USP53: variants seen among roughly 807,000 people sequenced by gnomAD.
USP53 encodes ubiquitin carboxyl-terminal hydrolase 53.
In USP53, 71 loss-of-function variants were observed where a neutral mutation model predicts 94.9. The ratio of observed to expected loss-of-function variants is 0.75; its 90% CI spans 0.62 to 0.91. The LOEUF (loss-of-function observed/expected upper bound fraction) is 0.91, where lower values mean the gene tolerates loss of function less well. Among genes scored for constraint, USP53 ranks in the 40% least tolerant of loss-of-function variants. USP53 has a pLI of 0.00. For synonymous variants in USP53, 375 were observed against 422.7 expected, an observed-to-expected ratio of 0.89 and a Z score of 1.39; for missense variants, 1,173 against 1,281.0, an observed-to-expected ratio of 0.92 and a Z score of 1.29.
rs1747251183 is a variant in USP53 at position 119,239,620 on chromosome 4, G to A, written c.-140G>A. 3.0e-6 allele frequency: 3 copies of A among 990,564 alleles called. No individual in the cohort carries two copies. The South Asian group carries it at 6.2e-5, about 20-fold the overall frequency. The allele number at this position is 990,564 out of a possible 1,614,324, so 61.4% of individuals were successfully genotyped here. A position where few individuals can be genotyped will look rare whatever the true frequency, so the allele number is the denominator to read the frequency against. ...TTTAAGAGTTTATAACATCAGGAAA[G>A]ATATGGACTTGGAAACTTACATTAT... On this transcript the variant is annotated 5_prime_UTR_variant, in exon 5 of 19. Coordinates refer to ENST00000692078, the MANE Select transcript of USP53 (RefSeq NM_001371395.1).
At chr4:119,278,357 T>C (rs552874713) in intron 17 of USP53, among the ~76,000 whole-genome samples, 2 of 151,500 alleles carry the variant, frequency 1.3e-5, no homozygotes, top group Admixed American at 1.3e-4. Flanking sequence ...CCTTCACTTA[T>C]GAAGCTTAGT....
chr4:119,280,373 C>T (rs1345564931), intron 17 of USP53, among the ~76,000 whole-genome samples: 2 of 152,048 alleles, frequency 1.3e-5, no homozygotes, highest in Non-Finnish European at 2.9e-5. Context: ...TAACACTTTA[C>T]TTTTACTTAA....
rs753849441 is a variant in USP53 at position 119,248,739 on chromosome 4, G to T, written c.238-9G>T. 1 of 1,606,140 alleles carries T rather than the reference G, an allele frequency of 6.2e-7. No homozygotes were observed. The highest frequency in any genetic ancestry group is 8.5e-7 in the Non-Finnish European group (1 of 1,176,526). On this transcript the variant is annotated splice_polypyrimidine_tract_variant and intron_variant, in intron 6 of 18. Transcript: ENST00000692078. The stretch of plus-strand genomic sequence containing the variant: ...CATTAAACTTACTGATTTTCTTGTC[G>T]ATTCCCAGACGATATTTGCACAGTT...
intron 14 of USP53, among the ~76,000 whole-genome samples, chr4:119,269,442 G>A (rs72676009): frequency 6.6e-6 from 1 of 152,044 alleles, no homozygotes; most frequent in South Asian, 2.1e-4. Flanking sequence ...TATTTTAATG[G>A]CAGATCTCTT....
intron 9 of USP53, among the ~76,000 whole-genome samples, chr4:119,259,280 CA>C (rs11348254): frequency 0.63 from 74,692 of 118,826 alleles, 21,029 homozygotes; most frequent in East Asian, 0.71. Flanking sequence ...GACCCCATCT[CA>C]AAAAAAAAAA....
intron 18 of USP53, among the ~76,000 whole-genome samples, chr4:119,291,979 G>A (rs1385226163): frequency 6.6e-6 from 1 of 152,126 alleles, no homozygotes; most frequent in Non-Finnish European, 1.5e-5. Context: ...ATGTTTTAGA[G>A]TACTGTTTGA....
chr4:119,281,362 A>C (rs1753495158), intron 17 of USP53, among the ~76,000 whole-genome samples: 1 of 152,206 alleles, frequency 6.6e-6, no homozygotes, highest in African/African-American at 2.4e-5. Flanking sequence ...AATGAACAGC[A>C]AATTTTAAAG....
At chr4:119,225,556 C>T (rs1745122568) in intron 3 of USP53, among the ~76,000 whole-genome samples, 1 of 152,044 alleles carries the variant, frequency 6.6e-6, no homozygotes, top group Admixed American at 6.6e-5. Flanking sequence ...ACCATCCTGG[C>T]TAACACGGTG....
chr4:119,221,768 G>A (rs925009188), intron 3 of USP53, among the ~76,000 whole-genome samples: 2 of 152,196 alleles, frequency 1.3e-5, no homozygotes, highest in African/African-American at 2.4e-5. Flanking sequence ...CTGATTGGCC[G>A]AAATGGGCCA....
chr4:119,253,922 A>C (rs980084358), intron 7 of USP53, among the ~76,000 whole-genome samples: 1 of 152,080 alleles, frequency 6.6e-6, no homozygotes, highest in Non-Finnish European at 1.5e-5. Flanking sequence ...GGTGGTGACA[A>C]AGTATCTCAG....
chr4:119,273,976 T>C (rs1752213571), intron 17 of USP53, among the ~76,000 whole-genome samples: 1 of 151,222 alleles, frequency 6.6e-6, no homozygotes, highest in South Asian at 2.1e-4. Context: ...CACAAAGTGT[T>C]AATAATGGTT....
At chr4:119,214,452 T>C (rs1281970042) in intron 2 of USP53, among the ~76,000 whole-genome samples, 2 of 152,126 alleles carry the variant, frequency 1.3e-5, no homozygotes, top group Non-Finnish European at 2.9e-5. Flanking sequence ...CTAAGAATTT[T>C]AACAAATATT....
rs1389223874 is a variant in USP53 at position 119,239,689 on chromosome 4, C to A, written c.-71C>A. On this transcript the variant is annotated 5_prime_UTR_variant, in exon 5 of 19. Coordinates refer to ENST00000692078, the MANE Select transcript of USP53 (RefSeq NM_001371395.1). ...ATTTAATTGGACAATTCAAGACATCCATTTTATTGTCCAAAATATTACATA... is the reference window on the plus strand; with the variant it reads ...ATTTAATTGGACAATTCAAGACATCAATTTTATTGTCCAAAATATTACATA... The A allele has an allele frequency of 1.4e-6, 2 of 1,480,412 alleles. No homozygotes were observed. The highest frequency in any genetic ancestry group is 1.4e-5 in the African/African-American group (1 of 70,982). 91.7% of individuals were successfully genotyped at this position (1,480,412 alleles called of 1,614,324 possible).
Position 119,271,926 on chromosome 4 carries a change from A to G in USP53, c.2066A>G (p.Glu689Gly). Residue 689 changes from glutamate to glycine, a missense_variant, in exon 16 of 19, where the codon GAA becomes GGA. By Grantham distance (98) the Glu-to-Gly change is moderately conservative. Coordinates refer to ENST00000692078, the MANE Select transcript of USP53 (RefSeq NM_001371395.1). ...ATGCAAAGGACTGAGTCTGGATATG[A>G]AAGCAGTGATCACATCAGTAATGGT... The part of the protein sequence containing the change: ...WQMQRTESGY[E>G]SSDHISNGST... 2 of 1,614,176 alleles carry G rather than the reference A, an allele frequency of 1.2e-6. No individual in the cohort carries two copies. The highest frequency in any genetic ancestry group is 1.7e-6 in the Non-Finnish European group (2 of 1,180,016).
chr4:119,244,555 C>T (rs911108295), intron 5 of USP53, among the ~76,000 whole-genome samples: 3 of 152,132 alleles, frequency 2.0e-5, no homozygotes, highest in African/African-American at 7.2e-5. Flanking sequence ...CCATACCCTG[C>T]TCTAGAAACA....
chr4:119,229,483 A>G (rs1263223505), intron 3 of USP53, among the ~76,000 whole-genome samples: 3 of 152,166 alleles, frequency 2.0e-5, no homozygotes, highest in Non-Finnish European at 2.9e-5. Flanking sequence ...ATTTTATCCC[A>G]AATGGAACTC....
At chr4:119,278,370 G>A (rs1280877722) in intron 17 of USP53, among the ~76,000 whole-genome samples, 1 of 150,280 alleles carries the variant, frequency 6.7e-6, no homozygotes, top group African/African-American at 2.5e-5. Context: ...AGCTTAGTTT[G>A]GCTGGATATG....
At chr4:119,218,313 C>T (rs1744074174) in intron 3 of USP53, 1 of 152,190 alleles carries the variant, frequency 6.6e-6, no homozygotes, top group Non-Finnish European at 1.5e-5. Context: ...TAATTTTCTT[C>T]TGGAGATCAT....
chr4:119,268,385 G>A lies in USP53; in HGVS notation c.1253G>A (p.Arg418Gln), dbSNP rs201142048. ...FPTDNISSSNRSHSHTGVGKG... is the reference protein window; with the variant it reads ...FPTDNISSSNQSHSHTGVGKG... ...ACTGATAATATTTCATCATCTAATCGGAGCCACAGTCACACAGGTGTAGGG... is the reference window on the plus strand; with the variant it reads ...ACTGATAATATTTCATCATCTAATCAGAGCCACAGTCACACAGGTGTAGGG... Residue 418 changes from arginine to glutamine, a missense_variant, in exon 14 of 19, where the codon CGG becomes CAG. Transcript: ENST00000692078. The A allele has an allele frequency of 1.9e-4, 309 of 1,613,628 alleles. No homozygotes were observed. The highest frequency in any genetic ancestry group is 2.0e-4 in the Non-Finnish European group (239 of 1,179,834).
Sources: gnomAD v4.1 joint callset for allele counts (sites outside exome capture counted in the v4.1 genomes callset) on GRCh38, gnomAD v4.1.1 for gene constraint, MANE v1.5 for transcripts, NCBI Gene and HGNC (gene_info 2026-07-23, HGNC 2026-07-21) for gene names.